The following DPP6 variants were observed in gnomAD, a reference collection of about 807,000 sequenced individuals.
DPP6 encodes the protein A-type potassium channel modulatory protein DPP6.
DPP6 carries 69 observed loss-of-function variants against 122.6 expected under a neutral mutation model. That is an observed-to-expected ratio of 0.56 (90% CI 0.46 to 0.69). The LOEUF is 0.69. Ranked by LOEUF, DPP6 falls within the 30% of genes least tolerant of loss-of-function variation. DPP6 has a pLI of 0.00. For missense variants in DPP6, 928 were observed against 1,116.9 expected (o/e 0.83, Z 2.41); for synonymous variants, 418 against 433.1 (o/e 0.97, Z 0.43).
chr7:154,182,028 A>G (rs1363268367), intron 1 of DPP6, among the ~76,000 whole-genome samples: 1 of 152,180 alleles, frequency 6.6e-6, no homozygotes, highest in East Asian at 1.9e-4. Context: ...CTGAGATTAC[A>G]GGTGTGTGCC....
chr7:154,736,719 A>G (rs1842585343), intron 8 of DPP6, among the ~76,000 whole-genome samples: 2 of 152,372 alleles, frequency 1.3e-5, no homozygotes, highest in East Asian at 1.9e-4. Context: ...AGTTACTTGA[A>G]GTCAAGAACT....
At chr7:154,510,888 G>GCT (rs139701384) in intron 3 of DPP6, among the ~76,000 whole-genome samples, 157 of 147,102 alleles carry the variant, frequency 1.1e-3, no homozygotes, top group African/African-American at 2.6e-3. Flanking sequence ...TCACTCTCGT[G>GCT]CTCTCTCTCT....
chr7:154,575,684 GGTGT>G (rs1831616406), intron 5 of DPP6, among the ~76,000 whole-genome samples: 1 of 141,552 alleles, frequency 7.1e-6, no homozygotes, highest in East Asian at 2.2e-4. Flanking sequence ...TGGTGTGTGT[GGTGT>G]GTGTATGTGG....
intron 5 of DPP6, among the ~76,000 whole-genome samples, chr7:154,614,095 T>C (rs1355174525): frequency 6.6e-6 from 1 of 152,196 alleles, no homozygotes; most frequent in African/African-American, 2.4e-5. Context: ...CACAGCTGTC[T>C]TCCCTTTCTC....
chr7:154,180,396 T>TA (rs1187129871), intron 1 of DPP6, among the ~76,000 whole-genome samples: 1 of 146,160 alleles, frequency 6.8e-6, no homozygotes, highest in African/African-American at 2.5e-5. Context: ...AATATATATA[T>TA]ATGTATAAAT....
chr7:154,643,717 C>T (rs190917726), intron 6 of DPP6, among the ~76,000 whole-genome samples: 2 of 152,168 alleles, frequency 1.3e-5, no homozygotes, highest in East Asian at 3.9e-4. Flanking sequence ...ATCTGCCCAC[C>T]TCGGCCTCCC....
At chr7:154,834,344 T>C (rs1428514931) in intron 16 of DPP6, among the ~76,000 whole-genome samples, 1 of 147,912 alleles carries the variant, frequency 6.8e-6, no homozygotes, top group Admixed American at 6.8e-5. Flanking sequence ...GTTGTGGTGG[T>C]GCGTGCCTGT....
chr7:154,658,570 T>C (rs902374590), intron 6 of DPP6, among the ~76,000 whole-genome samples: 1 of 152,078 alleles, frequency 6.6e-6, no homozygotes, highest in African/African-American at 2.4e-5. Flanking sequence ...GCAGGGACCC[T>C]GGGCCAAGCT....
intron 1 of DPP6, among the ~76,000 whole-genome samples, chr7:154,053,854 C>T (rs1480301710): frequency 6.8e-6 from 1 of 146,236 alleles, no homozygotes; most frequent in Non-Finnish European, 1.5e-5. Flanking sequence ...ATTTGCACAT[C>T]GCCCTAGTAA....
intron 5 of DPP6, among the ~76,000 whole-genome samples, chr7:154,614,146 G>A (rs1177453840): frequency 6.6e-6 from 1 of 152,130 alleles, no homozygotes; most frequent in Non-Finnish European, 1.5e-5. Context: ...ATCCAGCACA[G>A]CAGTGTGGCT....
intron 1 of DPP6, among the ~76,000 whole-genome samples, chr7:153,940,180 G>A (rs1324955211): frequency 6.6e-6 from 1 of 152,080 alleles, no homozygotes; most frequent in Non-Finnish European, 1.5e-5. Context: ...AAGGAAAGAG[G>A]GAAAACTCAT....
chr7:153,938,295 C>T (rs9691968), intron 1 of DPP6, among the ~76,000 whole-genome samples: 1 of 152,088 alleles, frequency 6.6e-6, no homozygotes, highest in Non-Finnish European at 1.5e-5. Context: ...TTGGGGACTT[C>T]CCATTTTAGA....
chr7:153,821,129 C>T, the DPP6 span, among the ~76,000 whole-genome samples: 1 of 152,236 alleles, frequency 6.6e-6, no homozygotes, highest in African/African-American at 2.4e-5. Flanking sequence ...ACATGGATAA[C>T]TTTAATAATT....
intron 6 of DPP6, among the ~76,000 whole-genome samples, chr7:154,647,843 AG>A (rs1447730066): frequency 6.6e-6 from 1 of 152,124 alleles, no homozygotes; most frequent in Non-Finnish European, 1.5e-5. Context: ...GACATCCTGG[AG>A]GGTGGCACTC....
intron 1 of DPP6, among the ~76,000 whole-genome samples, chr7:154,369,367 GTTTA>G (rs1812452215): frequency 6.6e-6 from 1 of 152,128 alleles, no homozygotes; most frequent in East Asian, 1.9e-4. Context: ...TGTGTCAACT[GTTTA>G]TTTATTTATT....
chr7:154,258,551 A>C (rs563410413), intron 1 of DPP6, among the ~76,000 whole-genome samples: 1 of 152,340 alleles, frequency 6.6e-6, no homozygotes, highest in East Asian at 1.9e-4. Flanking sequence ...ATGCTCCACA[A>C]CCAATAGCAA....
At chr7:154,270,755 A>C (rs1394097975) in intron 1 of DPP6, among the ~76,000 whole-genome samples, 1 of 152,166 alleles carries the variant, frequency 6.6e-6, no homozygotes, top group Non-Finnish European at 1.5e-5. Context: ...TTTTCCTCTG[A>C]AAACAAGAGT....
chr7:154,510,923 TACACAC>T, intron 3 of DPP6, among the ~76,000 whole-genome samples: 1 of 121,438 alleles, frequency 8.2e-6, no homozygotes, highest in East Asian at 2.4e-4. Context: ...CTCTTACACA[TACACAC>T]ACACATGCAC....
the DPP6 span, among the ~76,000 whole-genome samples, chr7:153,825,259 T>C: frequency 6.6e-6 from 1 of 152,154 alleles, no homozygotes; most frequent in African/African-American, 2.4e-5. Context: ...GGTCCTGTTC[T>C]CTCATCTTGG....
Sources: allele counts gnomAD v4.1 joint callset (sites outside exome capture counted in the v4.1 genomes callset), GRCh38; gene constraint gnomAD v4.1.1; transcripts MANE v1.5; gene names NCBI Gene and HGNC (gene_info 2026-07-23, HGNC 2026-07-21).